OPCML: variants seen among roughly 807,000 people sequenced by gnomAD.
OPCML encodes opioid-binding protein/cell adhesion molecule.
OPCML carries 13 observed loss-of-function variants against 37.8 expected under a neutral mutation model. The ratio of observed to expected loss-of-function variants is 0.34; its 90% confidence interval spans 0.22 to 0.55. The LOEUF is 0.55. Ranked by LOEUF, OPCML falls within the 20% of genes least tolerant of loss-of-function variation. The pLI, the probability that OPCML is intolerant of heterozygous loss-of-function variation, is 0.91. For synonymous variants in OPCML, 176 were observed against 168.8 expected (o/e 1.04, Z -0.33); for missense variants, 341 against 435.6 (o/e 0.78, Z 1.93).
chr11:133,012,232 A>G (rs1435429342), intron 1 of OPCML, among the ~76,000 whole-genome samples: 8 of 152,190 alleles, frequency 5.3e-5, no homozygotes, highest in Admixed American at 5.2e-4. Context: ...TCCTCAACAA[A>G]GAATCATCTG....
intron 1 of OPCML, among the ~76,000 whole-genome samples, chr11:133,505,922 T>C (rs1041211790): frequency 6.6e-6 from 1 of 152,202 alleles, no homozygotes; most frequent in African/African-American, 2.4e-5. Flanking sequence ...AGCTGAGGAC[T>C]AGGACCTATT....
At chr11:133,339,256 A>G (rs1330990033) in intron 1 of OPCML, among the ~76,000 whole-genome samples, 1 of 152,226 alleles carries the variant, frequency 6.6e-6, no homozygotes, top group African/African-American at 2.4e-5. Flanking sequence ...AATTCACACA[A>G]TTCCCATAAC....
chr11:133,509,058 C>T (rs982582622), intron 1 of OPCML, among the ~76,000 whole-genome samples: 1 of 152,018 alleles, frequency 6.6e-6, no homozygotes, highest in South Asian at 2.1e-4. Flanking sequence ...TATTAATCTC[C>T]ACAGCAATCT....
At chr11:133,138,198 C>G (rs1399372833) in intron 1 of OPCML, among the ~76,000 whole-genome samples, 1 of 152,164 alleles carries the variant, frequency 6.6e-6, no homozygotes, top group Non-Finnish European at 1.5e-5. Flanking sequence ...CACACCCACT[C>G]ACTACTCTGC....
At chr11:132,896,038 A>G (rs1344676022) in intron 2 of OPCML, among the ~76,000 whole-genome samples, 4 of 152,158 alleles carry the variant, frequency 2.6e-5, no homozygotes, top group Non-Finnish European at 4.4e-5. Flanking sequence ...ATTTACTTAT[A>G]TGGACCCTCA....
At chr11:132,969,615 T>C (rs191855766) in intron 1 of OPCML, among the ~76,000 whole-genome samples, 2 of 152,326 alleles carry the variant, frequency 1.3e-5, no homozygotes, top group East Asian at 1.9e-4. Context: ...CACACTTTTT[T>C]CTCTGTTTTT....
intron 7 of OPCML, 33 bp downstream of exon 7, chr11:132,436,053 T>C (rs372453265): frequency 6.3e-4 from 1,014 of 1,601,590 alleles, no homozygotes; most frequent in Non-Finnish European, 8.3e-4. Flanking sequence ...CCCATGTGGC[T>C]GAGCCCACTG....
At chr11:133,004,523 C>T in intron 1 of OPCML, 2 of 985,336 alleles carry the variant, frequency 2.0e-6, no homozygotes, top group Non-Finnish European at 1.2e-6. Context: ...CCGAGGTCGG[C>T]CTTGGCCATG....
At chr11:133,156,337 T>C (rs114616704) in intron 1 of OPCML, among the ~76,000 whole-genome samples, 2,086 of 152,304 alleles carry the variant, frequency 0.014, 15 homozygotes, top group African/African-American at 0.037. Context: ...TCTACGGGGT[T>C]TTTCTTCTCT....
intron 1 of OPCML, among the ~76,000 whole-genome samples, chr11:133,490,247 G>A (rs1302658799): frequency 3.3e-5 from 5 of 152,124 alleles, no homozygotes; most frequent in African/African-American, 1.2e-4. Flanking sequence ...ATTCTCAACA[G>A]GAACCCACCT....
intron 1 of OPCML, among the ~76,000 whole-genome samples, chr11:133,425,724 T>A (rs556983261): frequency 1.3e-5 from 2 of 152,210 alleles, no homozygotes; most frequent in Admixed American, 1.3e-4. Flanking sequence ...AACTGGGTGA[T>A]TTTTTCCCTT....
intron 1 of OPCML, among the ~76,000 whole-genome samples, chr11:133,041,825 T>A (rs965696412): frequency 6.6e-6 from 1 of 152,146 alleles, no homozygotes; most frequent in East Asian, 1.9e-4. Context: ...ATAGGTCTTC[T>A]TCGGGCCCCT....
intron 1 of OPCML, among the ~76,000 whole-genome samples, chr11:133,257,848 CTT>C (rs5795832): frequency 9.6e-5 from 14 of 145,764 alleles, no homozygotes; most frequent in Admixed American, 1.4e-4. Context: ...GTCTTTCTAT[CTT>C]TTTTTTTTTT....
chr11:133,190,978 A>T (rs145122455), intron 1 of OPCML, among the ~76,000 whole-genome samples: 132 of 152,132 alleles, frequency 8.7e-4, no homozygotes, highest in African/African-American at 3.0e-3. Flanking sequence ...GTGTAGACAT[A>T]CATTTTTATT....
chr11:132,636,317 A>G (rs1488345811), intron 3 of OPCML, among the ~76,000 whole-genome samples: 2 of 152,228 alleles, frequency 1.3e-5, no homozygotes, highest in Non-Finnish European at 2.9e-5. Context: ...GGGTGCTTCA[A>G]GGTAAACATA....
At chr11:133,303,815 GA>G (rs1019826282) in intron 1 of OPCML, among the ~76,000 whole-genome samples, 7 of 152,102 alleles carry the variant, frequency 4.6e-5, no homozygotes, top group Admixed American at 2.0e-4. Flanking sequence ...CTGTTGAATA[GA>G]AAAAAAGTTG....
chr11:133,478,116 T>A (rs1431404722), intron 1 of OPCML, among the ~76,000 whole-genome samples: 2 of 152,122 alleles, frequency 1.3e-5, no homozygotes, highest in Non-Finnish European at 2.9e-5. Context: ...AAGGGGCAAA[T>A]CTGCTTTGGC....
intron 2 of OPCML, among the ~76,000 whole-genome samples, chr11:132,920,652 G>T (rs1944759908): frequency 6.6e-6 from 1 of 152,118 alleles, no homozygotes; most frequent in Admixed American, 6.5e-5. Flanking sequence ...AGCCCTTCTT[G>T]TTATTACCTC....
At chr11:132,432,905 G>A (rs1485513311) in intron 7 of OPCML, among the ~76,000 whole-genome samples, 3 of 152,176 alleles carry the variant, frequency 2.0e-5, no homozygotes, top group Non-Finnish European at 4.4e-5. Flanking sequence ...GGCTTGTAAC[G>A]GGTCCTAAAT....
Sources: allele counts gnomAD v4.1 joint callset (sites outside exome capture counted in the v4.1 genomes callset), GRCh38; gene constraint gnomAD v4.1.1; transcripts MANE v1.5; gene names NCBI Gene and HGNC (gene_info 2026-07-23, HGNC 2026-07-21).